Variants in KIF21B observed in about 807,000 individuals in gnomAD.
KIF21B encodes kinesin-like protein KIF21B.
Under a neutral mutation model 192.9 loss-of-function variants are expected in KIF21B, and 85 were observed. That is an observed-to-expected ratio of 0.44 (90% confidence interval 0.37 to 0.53). KIF21B has a LOEUF of 0.53. Ranked by LOEUF, KIF21B falls within the 20% of genes least tolerant of loss-of-function variation. KIF21B has a pLI of 0.00. For synonymous variants in KIF21B, 832 were observed against 884.6 expected (o/e 0.94, Z 1.05); for missense variants, 1,716 against 2,194.8 (o/e 0.78, Z 4.36).
In KIF21B at chr1:200,984,931, G is replaced by A. The variant is rs1292286726; in HGVS notation, c.3731C>T (p.Thr1244Ile). The change falls in exon 27 of 35, where the codon ACT becomes ATT. Residue 1244 changes from threonine (T) to isoleucine (I), a missense_variant. By Grantham distance (89) the Thr-to-Ile change is moderately conservative (BLOSUM62 -1). Coordinates refer to ENST00000461742, the MANE Select transcript of KIF21B (RefSeq NM_001252102.2). ...GACATTGCGGTCATTGCGGGGCCGA[G>A]TGGGAGGGGATGATGGGGGTGTGAA... ...VGFTPPSSPP[T>I]RPRNDRNVFS... is the part of the protein sequence containing the mutation. 1.2e-6 allele frequency: 2 copies of A among 1,607,988 alleles called. No homozygotes were observed. Among genetic ancestry groups the A allele is most frequent in the Non-Finnish European group, 1.7e-6 (2 of 1,177,758 alleles).
At chr1:201,006,272 G>A (rs557755766) in intron 3 of KIF21B, among the ~76,000 whole-genome samples, 1 of 152,370 alleles carries the variant, frequency 6.6e-6, no homozygotes, top group Non-Finnish European at 1.5e-5. Flanking sequence ...TGAGACCATC[G>A]TGGGGAGGGG....
chr1:200,999,576 G>A lies in KIF21B; in HGVS notation c.1768-110C>T. Reference sequence around the variant, plus strand: ...GTGTGTCAGGAGGGTGGGGATTGGGGCAGGCCACAGCTGAGCCCCCCTGCC... The same window carrying A: ...GTGTGTCAGGAGGGTGGGGATTGGGACAGGCCACAGCTGAGCCCCCCTGCC... On this transcript the variant is annotated intron_variant, in intron 12 of 34. Transcript: ENST00000461742. The surrounding 1 kb of genome is among the most constrained non-coding windows in gnomAD (Gnocchi z 4.7). The A allele has an allele frequency of 6.5e-7, 1 of 1,533,064 alleles. No individual in the cohort carries two copies. The highest frequency in any genetic ancestry group is 8.8e-7 in the Non-Finnish European group (1 of 1,141,686). 95.0% of individuals were successfully genotyped at this position (1,533,064 alleles called of 1,614,324 possible).
intron 29 of KIF21B, among the ~76,000 whole-genome samples, chr1:200,980,664 T>C (rs147531844): frequency 6.6e-5 from 10 of 152,318 alleles, no homozygotes; most frequent in African/African-American, 2.4e-4. Flanking sequence ...GGGGTGATGT[T>C]GGGCAGTGCA....
intron 31 of KIF21B, 137 bp downstream of exon 31, chr1:200,977,075 C>G (rs1293187646): frequency 8.9e-7 from 1 of 1,119,316 alleles, no homozygotes; most frequent in African/African-American, 1.6e-5. Context: ...CTGGAGAGGG[C>G]ACAGGCCCAG....
intron 1 of KIF21B, among the ~76,000 whole-genome samples, chr1:201,012,303 T>C (rs972791372): frequency 1.3e-5 from 2 of 152,106 alleles, no homozygotes; most frequent in Non-Finnish European, 2.9e-5. Flanking sequence ...TGGACCCTGG[T>C]TGAGTCACCA....
chr1:200,990,051 C>G lies in KIF21B; in HGVS notation c.3031-8G>C, dbSNP rs370414734. On this transcript the variant is annotated splice_region_variant and splice_polypyrimidine_tract_variant and intron_variant, in intron 20 of 34. Coordinates refer to ENST00000461742, the MANE Select transcript of KIF21B (RefSeq NM_001252102.2). The surrounding 1 kb of genome is among the most constrained non-coding windows in gnomAD (Gnocchi z 5.4). ...TGTGGAGTCCAGCTCCTCCTAGGAC[C>G]GGGAGGCAGAGAGCCCCGTCACCTG... The G allele has an allele frequency of 6.8e-6, 11 of 1,613,144 alleles. No individual in the cohort carries two copies. The highest frequency in any genetic ancestry group is 9.3e-6 in the Non-Finnish European group (11 of 1,179,540).
rs1366110777 is a variant in KIF21B, at chr1:201,023,401, G to A, written c.-18C>T. 6 of 1,493,848 alleles carry A rather than the reference G, an allele frequency of 4.0e-6. No individual in the cohort carries two copies. Among genetic ancestry groups the A allele is most frequent in the African/African-American group, 2.9e-5 (2 of 68,716 alleles). 92.5% of individuals were successfully genotyped at this position (1,493,848 alleles called of 1,614,324 possible). On this transcript the variant is annotated 5_prime_UTR_variant, in exon 1 of 35. Coordinates refer to ENST00000461742, the MANE Select transcript of KIF21B (RefSeq NM_001252102.2). This position sits in a 1 kb window ranked among gnomAD's most constrained non-coding sequence, Gnocchi z 5.9. ...CCGGCCATGGCCCTCTGGAGCTAGGGTCTGGGCGTGGATCAGAGGCGGGGG... is the reference window on the plus strand; with the variant it reads ...CCGGCCATGGCCCTCTGGAGCTAGGATCTGGGCGTGGATCAGAGGCGGGGG...
In KIF21B at chr1:200,988,287, G is replaced by A. The variant is rs916015368; in HGVS notation, c.3408+9C>T. On this transcript the variant is annotated intron_variant, in intron 24 of 34. Transcript: ENST00000461742. ...CTGCACCCACTGCCTGACTTCCGGCGGGGCTCACCTTGAACTTGAAATCGT... is the reference window on the plus strand; with the variant it reads ...CTGCACCCACTGCCTGACTTCCGGCAGGGCTCACCTTGAACTTGAAATCGT... The A allele has an allele frequency of 4.8e-5, 77 of 1,613,288 alleles. No individual in the cohort carries two copies. The highest frequency in any genetic ancestry group is 3.5e-4 in the Middle Eastern group (2 of 5,644).
intron 1 of KIF21B, among the ~76,000 whole-genome samples, chr1:201,019,448 G>C (rs183394818): frequency 2.0e-3 from 309 of 152,262 alleles, no homozygotes; most frequent in Non-Finnish European, 3.7e-3. Flanking sequence ...GACGAAGCCA[G>C]TGGATGAATT....
intron 3 of KIF21B, among the ~76,000 whole-genome samples, chr1:201,007,634 GCACA>G (rs142138159): frequency 2.4e-4 from 20 of 83,016 alleles, no homozygotes; most frequent in South Asian, 1.8e-3. Flanking sequence ...ACACAGACAG[GCACA>G]CACACACACA....
At chr1:201,016,632 C>CAAGATCCAATTTGGGGCAAGG (rs1278231031) in intron 1 of KIF21B, among the ~76,000 whole-genome samples, 2 of 152,156 alleles carry the variant, frequency 1.3e-5, no homozygotes, top group Non-Finnish European at 2.9e-5. Flanking sequence ...AACAGGGTGG[C>CAAGATCCAATTTGGGGCAAGG]AAGATCCAAT....
intron 33 of KIF21B, 57 bp from the exon 34 acceptor site, chr1:200,974,970 C>A: frequency 6.5e-7 from 1 of 1,540,960 alleles, no homozygotes; most frequent in Admixed American, 1.7e-5. Flanking sequence ...AGAGAACCTG[C>A]CCCAGGGCCC....
At chr1:200,981,846 G>A (rs535415131) in intron 28 of KIF21B, among the ~76,000 whole-genome samples, 4 of 152,266 alleles carry the variant, frequency 2.6e-5, no homozygotes, top group African/African-American at 9.6e-5. Context: ...AAGGAGGCTG[G>A]CCCAAGTGAG....
At position 200,974,782 on chromosome 1, in the gene KIF21B, C is replaced by T; in HGVS notation, c.4746G>A (p.Glu1582=). ...TGATGGGACTGTCGTGGCCCTTGATCTCACCGATGGGTGTGAAGTTGTCCA... is the reference window on the plus strand; with the variant it reads ...TGATGGGACTGTCGTGGCCCTTGATTTCACCGATGGGTGTGAAGTTGTCCA... ...WNVDNFTPIG[E]IKGHDSPINA... is the part of the protein sequence containing the mutation. Residue 1582 remains glutamate (E), a synonymous_variant, in exon 34 of 35, where the codon GAG becomes GAA. Coordinates refer to ENST00000461742, the MANE Select transcript of KIF21B (RefSeq NM_001252102.2). 2 of 1,614,212 alleles carry T rather than the reference C, an allele frequency of 1.2e-6. No homozygotes were observed. Among genetic ancestry groups the T allele is most frequent in the Non-Finnish European group, 1.7e-6 (2 of 1,180,018 alleles).
In KIF21B at chr1:201,004,947, C is replaced by A. The variant is rs1370409538; in HGVS notation, c.733-14G>T. On this transcript the variant is annotated splice_polypyrimidine_tract_variant and intron_variant, in intron 5 of 34. Coordinates refer to ENST00000461742, the MANE Select transcript of KIF21B (RefSeq NM_001252102.2). ...CGCCTCATTCACCTGCAGCAGAAGTCAGCTCTGACTCACCCAGCCCTCGCC... is the reference window on the plus strand; with the variant it reads ...CGCCTCATTCACCTGCAGCAGAAGTAAGCTCTGACTCACCCAGCCCTCGCC... The A allele has an allele frequency of 1.9e-6, 3 of 1,600,238 alleles. No homozygotes were observed. The highest frequency in any genetic ancestry group is 2.6e-6 in the Non-Finnish European group (3 of 1,169,978).
At position 200,988,366 on chromosome 1, in the gene KIF21B, CAG is replaced by C. The variant is rs745866508; in HGVS notation, c.3351-15_3351-14del. On this transcript the variant is annotated splice_polypyrimidine_tract_variant and intron_variant, in intron 23 of 34. Transcript: ENST00000461742. ...TGACTGGGAGAAGCTGAGGAAGAAGCAGAGAGAGTTCAGGATCCTGAGGAGCC... is the reference window on the plus strand; with the variant it reads ...TGACTGGGAGAAGCTGAGGAAGAAGCAGAGAGTTCAGGATCCTGAGGAGCC... 38 of 1,614,098 alleles carry C rather than the reference CAG, an allele frequency of 2.4e-5. No individual in the cohort carries two copies. The highest frequency in any genetic ancestry group is 2.1e-4 in the South Asian group (19 of 91,084).
rs1275046152 is a variant in KIF21B, at chr1:200,990,640, A to G, written c.2771T>C (p.Ile924Thr). ...GGTCATTCTCTGCATGACGATGTCA[A>G]TGATCCGTCGCTCCAGGGACTGCCA... ...LKWQSLERRI[I>T]DIVMQRMTIV... Residue 924 changes from isoleucine to threonine, a missense_variant, in exon 19 of 35, where the codon ATT (isoleucine) becomes ACT (threonine). Coordinates refer to ENST00000461742, the MANE Select transcript of KIF21B (RefSeq NM_001252102.2). The surrounding 1 kb of genome is among the most constrained non-coding windows in gnomAD (Gnocchi z 5.4). The G allele has an allele frequency of 8.1e-6, 13 of 1,614,048 alleles. No homozygotes were observed. Among genetic ancestry groups the G allele is most frequent in the Non-Finnish European group, 2.5e-6 (3 of 1,180,030 alleles).
Position 201,005,644 on chromosome 1 carries a change from G to A in KIF21B, c.498C>T (p.Asp166=). 1 of 1,614,188 alleles carries A rather than the reference G, an allele frequency of 6.2e-7. No individual in the cohort carries two copies. The highest frequency in any genetic ancestry group is 2.2e-5 in the East Asian group (1 of 44,888). ...TGATGTTGGACCTGCGGTGGCGGGT[G>A]TCAGGGTCACGGGTGCTGTCAAACA... The part of the protein sequence containing the change: ...LDLFDSTRDP[D]TRHRRSNIKI... Residue 166 remains aspartate (D), a synonymous_variant, in exon 4 of 35, where the codon GAC becomes GAT. Transcript: ENST00000461742.
In KIF21B at chr1:200,982,055, G is replaced by A. The variant is rs185749677; in HGVS notation, c.3843-959C>T. Among the ~76,000 whole-genome samples the A allele has an allele frequency of 1.2e-3, 181 of 152,228 alleles. No individual in the cohort carries two copies. The highest frequency in any genetic ancestry group is 2.8e-3 in the Admixed American group (43 of 15,290). On this transcript the variant is annotated intron_variant, in intron 28 of 34. Transcript: ENST00000461742. The surrounding 1 kb of genome is among the most constrained non-coding windows in gnomAD (Gnocchi z 4.7). Reference sequence around the variant, plus strand: ...AAATGATCAAGGTTTTGCCTGTGGCGCTTCTGGCACAGCTCCCCCCAGACT... The same window carrying A: ...AAATGATCAAGGTTTTGCCTGTGGCACTTCTGGCACAGCTCCCCCCAGACT...
Sources: gnomAD v4.1 joint callset for allele counts (sites outside exome capture counted in the v4.1 genomes callset) on GRCh38, gnomAD v4.1.1 for gene constraint, Gnocchi (gnomAD v3.1) non-coding constraint, MANE v1.5 for transcripts, NCBI Gene and HGNC (gene_info 2026-07-23, HGNC 2026-07-21) for gene names.